The following GRIK3 variants were observed in gnomAD, a reference collection of about 807,000 sequenced individuals.
GRIK3 encodes glutamate ionotropic receptor kainate type subunit 3.
In GRIK3, 29 loss-of-function variants were observed where a neutral mutation model predicts 102.5. The ratio of observed to expected loss-of-function variants is 0.28; its 90% CI spans 0.21 to 0.39. The LOEUF is 0.39. GRIK3 is among the 10% of genes least tolerant of loss of function. The pLI is 1.00. For synonymous variants in GRIK3, 511 were observed against 504.9 expected (o/e 1.01, Z -0.16); for missense variants, 908 against 1,252.4 (o/e 0.73, Z 4.15).
chr1:36,850,536 A>G lies in GRIK3; in HGVS notation c.1213-112T>C. ...ATTCATCATGAGCCTCATTGTCATG[A>G]TCATCATCATCATCACCACTGCCAT... On this transcript the variant is annotated intron_variant, in intron 8 of 15. Transcript: ENST00000373091. The surrounding 1 kb of genome is among the most constrained non-coding windows in gnomAD (Gnocchi z 4.0). 1 of 647,516 alleles carries G rather than the reference A, an allele frequency of 1.5e-6. No individual in the cohort carries two copies. The highest frequency in any genetic ancestry group is 2.8e-6 in the Non-Finnish European group (1 of 353,920). The allele number at this position is 647,516 out of a possible 1,614,324, so 40.1% of individuals were successfully genotyped here.
rs145144927 is a variant in GRIK3, at chr1:36,906,465, GAA to G, written c.116-15371_116-15370del. The stretch of plus-strand genomic sequence containing the variant: ...GACTTAATACACAGTAGCTATCAAA[GAA>G]AGAGTGAAACAATGAGTGCTACTAT... On this transcript the variant is annotated intron_variant, in intron 1 of 15. Coordinates refer to ENST00000373091, the MANE Select transcript of GRIK3 (RefSeq NM_000831.4). 9.9e-3 allele frequency among the ~76,000 whole-genome samples: 1,514 copies of G among 152,306 alleles called. 26 individuals are homozygous for G. The highest frequency in any genetic ancestry group is 0.035 in the African/African-American group (1,453 of 41,568).
intron 3 of GRIK3, among the ~76,000 whole-genome samples, chr1:36,876,096 C>T (rs997738563): frequency 6.6e-6 from 1 of 152,168 alleles, no homozygotes; most frequent in African/African-American, 2.4e-5. Context: ...TCTCATTGGG[C>T]TGGTTGTGGT....
intron 10 of GRIK3, among the ~76,000 whole-genome samples, chr1:36,830,241 G>A (rs1433708708): frequency 6.6e-6 from 1 of 152,178 alleles, no homozygotes; most frequent in Non-Finnish European, 1.5e-5. Context: ...ATCAGGCTAG[G>A]AGGCTTGTTT....
At chr1:36,811,889 A>T (rs1271481828) in intron 13 of GRIK3, among the ~76,000 whole-genome samples, 1 of 152,194 alleles carries the variant, frequency 6.6e-6, no homozygotes, top group Non-Finnish European at 1.5e-5. Context: ...AGCAAATGGA[A>T]GCCCGGATAA....
intron 1 of GRIK3, among the ~76,000 whole-genome samples, chr1:37,026,720 G>A (rs1317460180): frequency 1.3e-5 from 2 of 151,876 alleles, no homozygotes; most frequent in Admixed American, 6.6e-5. Context: ...TCAGAGGTGC[G>A]GTGACTTCCC....
At chr1:36,968,620 G>T (rs1642105836) in intron 1 of GRIK3, among the ~76,000 whole-genome samples, 1 of 152,196 alleles carries the variant, frequency 6.6e-6, no homozygotes, top group Non-Finnish European at 1.5e-5. Flanking sequence ...ACTGGTCACA[G>T]CACAGGAACA....
intron 3 of GRIK3, among the ~76,000 whole-genome samples, chr1:36,877,466 G>T (rs916796377): frequency 7.9e-5 from 12 of 152,118 alleles, no homozygotes; most frequent in Admixed American, 6.5e-4. Flanking sequence ...ATTGCTCTTA[G>T]AACCACCTTC....
At position 37,022,358 on chromosome 1, in the gene GRIK3, G is replaced by A. The variant is rs532418324; in HGVS notation, c.115+11636C>T. On this transcript the variant is annotated intron_variant, in intron 1 of 15. Transcript: ENST00000373091. ...CAGAAAGAGCAGCCGAGATGCTGAC[G>A]GACAAGTGGGAAGGAGAGAGGGGTG... Among the ~76,000 whole-genome samples the A allele has an allele frequency of 8.9e-4, 135 of 152,290 alleles. 1 individual carries two copies. The highest frequency in any genetic ancestry group is 3.2e-3 in the African/African-American group (131 of 41,554).
At chr1:36,882,924 C>T (rs147775704) in intron 2 of GRIK3, among the ~76,000 whole-genome samples, 1 of 152,218 alleles carries the variant, frequency 6.6e-6, no homozygotes, top group Non-Finnish European at 1.5e-5. Flanking sequence ...TTGCAACCAT[C>T]GGAGATCCAC....
At chr1:36,879,115 A>G (rs1450739305) in intron 3 of GRIK3, among the ~76,000 whole-genome samples, 1 of 151,914 alleles carries the variant, frequency 6.6e-6, no homozygotes, top group Non-Finnish European at 1.5e-5. Context: ...CTGTACATAG[A>G]GCTACATGGA....
intron 1 of GRIK3, among the ~76,000 whole-genome samples, chr1:36,958,266 C>T (rs1460876324): frequency 6.1e-5 from 5 of 82,008 alleles, no homozygotes; most frequent in Non-Finnish European, 9.2e-5. Flanking sequence ...CTCTGTGCCC[C>T]GTGAGTCTGT....
intron 1 of GRIK3, among the ~76,000 whole-genome samples, chr1:36,995,197 T>C (rs1642407186): frequency 6.6e-6 from 1 of 152,212 alleles, no homozygotes; most frequent in Non-Finnish European, 1.5e-5. Flanking sequence ...ATGAATTTAA[T>C]AAGCAGACGT....
At chr1:36,984,418 G>A (rs1023088619) in intron 1 of GRIK3, among the ~76,000 whole-genome samples, 1 of 152,230 alleles carries the variant, frequency 6.6e-6, no homozygotes, top group African/African-American at 2.4e-5. Flanking sequence ...GTGTAAAGAC[G>A]AAAGCTGTCA....
chr1:36,826,245 C>T (rs569744067), intron 10 of GRIK3, among the ~76,000 whole-genome samples: 30 of 152,332 alleles, frequency 2.0e-4, no homozygotes, highest in African/African-American at 7.2e-4. Flanking sequence ...GAATGCACCA[C>T]AATGCTTATT....
chr1:36,827,292 C>T (rs1642765800), intron 10 of GRIK3, among the ~76,000 whole-genome samples: 2 of 152,172 alleles, frequency 1.3e-5, no homozygotes, highest in Non-Finnish European at 2.9e-5. Context: ...TAATAACCTT[C>T]CCCTCTGAGA....
chr1:36,839,771 C>T (rs546034667), intron 10 of GRIK3, among the ~76,000 whole-genome samples: 62 of 152,246 alleles, frequency 4.1e-4, no homozygotes, highest in African/African-American at 1.4e-3. Flanking sequence ...ATGCTCTTGA[C>T]CATTTGAGTC....
At chr1:36,885,617 C>T (rs1307313436) in intron 2 of GRIK3, among the ~76,000 whole-genome samples, 1 of 152,088 alleles carries the variant, frequency 6.6e-6, no homozygotes, top group African/African-American at 2.4e-5. Flanking sequence ...TTTTCCCTGG[C>T]CTCTCTCCAC....
chr1:36,898,180 T>C (rs1641194107), intron 1 of GRIK3, among the ~76,000 whole-genome samples: 1 of 151,936 alleles, frequency 6.6e-6, no homozygotes, highest in Admixed American at 6.6e-5. Context: ...AGGTACAAAA[T>C]AGATAACTAG....
At chr1:37,007,302 A>G (rs866689421) in intron 1 of GRIK3, among the ~76,000 whole-genome samples, 2 of 152,236 alleles carry the variant, frequency 1.3e-5, no homozygotes, top group Non-Finnish European at 1.5e-5. Flanking sequence ...AAGGTCAGGT[A>G]GCCAGTAAGT....
Sources: gnomAD v4.1 joint callset for allele counts (sites outside exome capture counted in the v4.1 genomes callset) on GRCh38, gnomAD v4.1.1 for gene constraint, Gnocchi (gnomAD v3.1) non-coding constraint, MANE v1.5 for transcripts, NCBI Gene and HGNC (gene_info 2026-07-23, HGNC 2026-07-21) for gene names.